GTF2IRD1: variants seen among roughly 807,000 people sequenced by gnomAD.
The protein encoded by GTF2IRD1 is general transcription factor II-I repeat domain-containing protein 1.
GTF2IRD1 carries 26 observed loss-of-function variants against 113.2 expected under a neutral mutation model. That is an observed-to-expected ratio of 0.23 (90% confidence interval 0.17 to 0.32). GTF2IRD1 has a LOEUF of 0.32. Ranked by LOEUF, GTF2IRD1 falls within the 10% of genes least tolerant of loss-of-function variation. The probability of loss-of-function intolerance (pLI) is 1.00; values close to 1 mark genes in which losing one functional copy is unlikely to be tolerated. For synonymous variants in GTF2IRD1, 484 were observed against 529.1 expected, an observed-to-expected ratio of 0.91 and a Z score of 1.17; for missense variants, 864 against 1,280.8, an observed-to-expected ratio of 0.67 and a Z score of 4.97.
intron 1 of GTF2IRD1, among the ~76,000 whole-genome samples, chr7:74,496,516 CGT>C (rs75195557): frequency 1.0e-4 from 11 of 106,744 alleles, no homozygotes; most frequent in Admixed American, 4.2e-4. Context: ...TGTGGGTGTG[CGT>C]GTGTGGGTGT....
At chr7:74,600,964 G>C in intron 25 of GTF2IRD1, 80 bp from the exon 26 acceptor site, 8 of 1,497,550 alleles carry the variant, frequency 5.3e-6, no homozygotes, top group Non-Finnish European at 7.4e-6. Context: ...TTAAGACAGA[G>C]CACTTTTCCA....
At chr7:74,524,031 C>A in intron 7 of GTF2IRD1, 40 bp from the exon 8 acceptor site, 1 of 1,439,246 alleles carries the variant, frequency 6.9e-7, no homozygotes, top group South Asian at 1.2e-5. Flanking sequence ...GTGACCGTCC[C>A]GTGGGGCCCT....
At chr7:74,460,969 T>TG (rs2116892034) in intron 1 of GTF2IRD1, among the ~76,000 whole-genome samples, 1 of 140,130 alleles carries the variant, frequency 7.1e-6, no homozygotes, top group African/African-American at 2.7e-5. Flanking sequence ...GCCTCTGGAG[T>TG]GGGGGAAATG....
At chr7:74,593,665 G>A (rs587687019) in intron 24 of GTF2IRD1, among the ~76,000 whole-genome samples, 27 of 150,718 alleles carry the variant, frequency 1.8e-4, no homozygotes, top group Non-Finnish European at 2.8e-4. Context: ...CCTGGGAGGC[G>A]GAGCTTGCAG....
At chr7:74,596,727 G>C (rs587628154) in intron 25 of GTF2IRD1, among the ~76,000 whole-genome samples, 1 of 152,250 alleles carries the variant, frequency 6.6e-6, no homozygotes, top group South Asian at 2.1e-4. Context: ...GCCTAAGTGG[G>C]AGGACTGCTT....
chr7:74,539,777 G>T (rs1459001821), intron 13 of GTF2IRD1, 102 bp from the exon 14 acceptor site: 3 of 742,478 alleles, frequency 4.0e-6, no homozygotes, highest in South Asian at 1.6e-5. Context: ...GAAAGAAAAG[G>T]ACCCTTGTCT....
chr7:74,487,734 CTG>C (rs1795110908), intron 1 of GTF2IRD1, among the ~76,000 whole-genome samples: 1 of 152,172 alleles, frequency 6.6e-6, no homozygotes, highest in African/African-American at 2.4e-5. Context: ...TCTGAATAAA[CTG>C]TAGTTTTGAA....
intron 1 of GTF2IRD1, among the ~76,000 whole-genome samples, chr7:74,456,597 C>T (rs988800254): frequency 6.6e-6 from 1 of 151,862 alleles, no homozygotes; most frequent in Non-Finnish European, 1.5e-5. Context: ...GCAGGAGAAT[C>T]GCTTGAACCC....
intron 2 of GTF2IRD1, among the ~76,000 whole-genome samples, chr7:74,509,540 A>G (rs990727453): frequency 2.0e-5 from 3 of 152,032 alleles, no homozygotes; most frequent in African/African-American, 7.3e-5. Context: ...AATTAAAAAA[A>G]TTTTTTTAAA....
intron 6 of GTF2IRD1, among the ~76,000 whole-genome samples, chr7:74,520,598 ACT>A (rs1422913897): frequency 2.0e-5 from 3 of 151,676 alleles, no homozygotes; most frequent in Non-Finnish European, 4.4e-5. Flanking sequence ...TTTTTGGATA[ACT>A]CTGCCAAGTG....
chr7:74,542,685 A>C (rs2130625214), intron 14 of GTF2IRD1, among the ~76,000 whole-genome samples: 1 of 152,362 alleles, frequency 6.6e-6, no homozygotes, highest in Non-Finnish European at 1.5e-5. Flanking sequence ...TGGCGTAGCT[A>C]TCCAGAGAGT....
At chr7:74,483,197 C>T (rs998478220) in intron 1 of GTF2IRD1, among the ~76,000 whole-genome samples, 3 of 152,060 alleles carry the variant, frequency 2.0e-5, no homozygotes, top group Non-Finnish European at 2.9e-5. Flanking sequence ...TAAGCATATA[C>T]TTCTCAGTGC....
intron 1 of GTF2IRD1, 65 bp from the exon 2 acceptor site, chr7:74,508,010 C>T: frequency 3.3e-6 from 5 of 1,527,420 alleles, no homozygotes; most frequent in South Asian, 1.2e-5. Flanking sequence ...TTGGGGTGGG[C>T]AGCCACCATA....
In GTF2IRD1 at chr7:74,581,037, G is replaced by A. The variant is rs587734118; in HGVS notation, c.2321-8814G>A. Among the ~76,000 whole-genome samples, 125 of 152,178 alleles carry A rather than the reference G, an allele frequency of 8.2e-4. 3 individuals carry two copies. The highest frequency in any genetic ancestry group is 2.9e-3 in the African/African-American group (120 of 41,528). ...CCCCTTTTCTGGGGGGGGTTGGGGG[G>A]AGACGGAGTTTTGCTCTTGTTGCCC... On this transcript the variant is annotated intron_variant, in intron 22 of 26. Coordinates refer to ENST00000424337, the MANE Select transcript of GTF2IRD1 (RefSeq NM_005685.4).
In GTF2IRD1 at chr7:74,562,534, C is replaced by G. The variant is rs587640404; in HGVS notation, c.2320+2879C>G. On this transcript the variant is annotated intron_variant, in intron 22 of 26. Transcript: ENST00000424337. ...GGCAGTGCTAGGTTAGCTGGGAGGA[C>G]TATTTTCCGCCAATTGCCCTCTTTT... is the stretch of plus-strand genomic sequence containing the variant. Among the ~76,000 whole-genome samples the G allele has an allele frequency of 1.5e-3, 195 of 125,876 alleles. 1 individual carries two copies. Among genetic ancestry groups the G allele is most frequent in the Middle Eastern group, 0.014 (3 of 212 alleles). The allele number at this position is 125,876 out of a possible 152,430, so 82.6% of individuals were successfully genotyped here.
intron 23 of GTF2IRD1, 144 bp downstream of exon 23, chr7:74,590,072 C>T (rs782041143): frequency 1.4e-5 from 8 of 587,896 alleles, no homozygotes; most frequent in South Asian, 4.0e-5. Context: ...CCATGACCCA[C>T]GTTTTGTGTA....
chr7:74,471,539 T>C (rs37625), intron 1 of GTF2IRD1, among the ~76,000 whole-genome samples: 125,668 of 151,784 alleles, frequency 0.83, 52,235 homozygotes, highest in African/African-American at 0.89. Context: ...AGCCAGGCAC[T>C]GTGGCTTGCA....
In GTF2IRD1 at chr7:74,560,666, A is replaced by G. The variant is rs587678840; in HGVS notation, c.2320+1011A>G. On this transcript the variant is annotated intron_variant, in intron 22 of 26. Coordinates refer to ENST00000424337, the MANE Select transcript of GTF2IRD1 (RefSeq NM_005685.4). Reference sequence around the variant, plus strand: ...ATGGCACTATCTCTGCTCACTGCAAACTCCACCTCCCAGGTTCAAGCTATT... The same window carrying G: ...ATGGCACTATCTCTGCTCACTGCAAGCTCCACCTCCCAGGTTCAAGCTATT... 7.3e-5 allele frequency among the ~76,000 whole-genome samples: 11 copies of G among 151,406 alleles called. No individual in the cohort carries two copies. In the South Asian group the frequency reaches 2.3e-3, roughly 32 times the overall value.
chr7:74,461,427 C>T (rs1793355731), intron 1 of GTF2IRD1, among the ~76,000 whole-genome samples: 2 of 152,070 alleles, frequency 1.3e-5, no homozygotes, highest in African/African-American at 2.4e-5. Flanking sequence ...CTGGCAGAAC[C>T]ACCATCAAAG....
Sources: gnomAD v4.1 joint callset for allele counts (sites outside exome capture counted in the v4.1 genomes callset) on GRCh38, gnomAD v4.1.1 for gene constraint, MANE v1.5 for transcripts, NCBI Gene and HGNC (gene_info 2026-07-23, HGNC 2026-07-21) for gene names.